ULK4: variants seen among roughly 807,000 people sequenced by gnomAD.
ULK4 encodes the protein inactive serine/threonine-protein kinase ULK4.
In ULK4, 133 loss-of-function variants were observed where a neutral mutation model predicts 160.6. That is an observed-to-expected ratio of 0.83 (90% CI 0.72 to 0.96). The LOEUF is 0.96. ULK4 is among the 40% of genes least tolerant of loss of function. ULK4 has a pLI of 0.00. For synonymous variants in ULK4, 534 were observed against 539.8 expected (o/e 0.99, Z 0.15); for missense variants, 1,580 against 1,499.5 (o/e 1.05, Z -0.89).
At chr3:41,908,570 C>T (rs528589293) in intron 11 of ULK4, among the ~76,000 whole-genome samples, 7 of 152,078 alleles carry the variant, frequency 4.6e-5, no homozygotes, top group East Asian at 3.9e-4. Context: ...CTTAGCCTCC[C>T]GAGTAGCTGG....
chr3:41,370,243 C>T lies in ULK4; in HGVS notation c.3678+27836G>A, dbSNP rs1209804880. On this transcript the variant is annotated intron_variant, in intron 35 of 36. Transcript: ENST00000301831. ...ATCAAAACTTTTGTGGAACTTAAAA[C>T]CAAATATTTTGGAGATGCAATTAAT... Among the ~76,000 whole-genome samples the T allele has an allele frequency of 4.6e-5, 7 of 151,042 alleles. No individual in the cohort carries two copies. The East Asian group carries it at 9.7e-4, about 21-fold the overall frequency.
At chr3:41,438,469 TATA>T (rs369072845) in intron 34 of ULK4, among the ~76,000 whole-genome samples, 71 of 152,188 alleles carry the variant, frequency 4.7e-4, no homozygotes, top group African/African-American at 1.7e-3. Context: ...CAGTAGAAAC[TATA>T]ATAATGGAAG....
At chr3:41,870,407 T>C (rs1301244424) in intron 17 of ULK4, among the ~76,000 whole-genome samples, 1 of 152,214 alleles carries the variant, frequency 6.6e-6, no homozygotes, top group East Asian at 1.9e-4. Context: ...TCATTCTTTT[T>C]GCTTTGTGTG....
In ULK4 at chr3:41,473,661, C is replaced by CAAA. The variant is rs1294599838; in HGVS notation, c.3227-10411_3227-10409dup. Among the ~76,000 whole-genome samples the CAAA allele has an allele frequency of 6.6e-3, 155 of 23,388 alleles. 2 individuals carry two copies. The highest frequency in any genetic ancestry group is 9.0e-3 in the Non-Finnish European group (112 of 12,498). The allele number at this position is 23,388 out of a possible 152,430, so 15.3% of individuals were successfully genotyped here. On this transcript the variant is annotated intron_variant, in intron 32 of 36. Coordinates refer to ENST00000301831, the MANE Select transcript of ULK4 (RefSeq NM_017886.4). ...TGGGCAACAGAATGAGATTCTGTCT[C>CAAA]AAAGAAAAAAAAAAAAAAAAAAAGA...
chr3:41,608,997 C>T lies in ULK4; in HGVS notation c.3120+6672G>A, dbSNP rs770983585. 7.5e-4 allele frequency among the ~76,000 whole-genome samples: 114 copies of T among 152,150 alleles called. 1 individual carries two copies. The highest frequency in any genetic ancestry group is 2.4e-4 in the Non-Finnish European group (16 of 68,034). On this transcript the variant is annotated intron_variant, in intron 31 of 36. Transcript: ENST00000301831. Reference sequence around the variant, plus strand: ...AAGGAAGAATGTGTATGTACTATTTCCTCAAAGTGAGCAGAACATAGAGCA... The same window carrying T: ...AAGGAAGAATGTGTATGTACTATTTTCTCAAAGTGAGCAGAACATAGAGCA...
At chr3:41,887,190 G>C (rs1487396788) in intron 16 of ULK4, among the ~76,000 whole-genome samples, 5 of 152,104 alleles carry the variant, frequency 3.3e-5, no homozygotes, top group Non-Finnish European at 5.9e-5. Flanking sequence ...CAGTACCCTG[G>C]GATAATCACT....
intron 32 of ULK4, among the ~76,000 whole-genome samples, chr3:41,497,146 A>G (rs2085022339): frequency 6.6e-6 from 1 of 152,176 alleles, no homozygotes; most frequent in Non-Finnish European, 1.5e-5. Flanking sequence ...GGTTATAATG[A>G]ATTAACAGAT....
intron 21 of ULK4, among the ~76,000 whole-genome samples, chr3:41,769,260 C>G (rs978919540): frequency 1.3e-5 from 2 of 152,102 alleles, no homozygotes; most frequent in African/African-American, 4.8e-5. Flanking sequence ...CTTTGACTCC[C>G]TACAACTAGT....
intron 19 of ULK4, among the ~76,000 whole-genome samples, chr3:41,814,501 T>G (rs1005679385): frequency 2.0e-5 from 3 of 152,174 alleles, no homozygotes; most frequent in African/African-American, 7.2e-5. Flanking sequence ...TTTCTACACA[T>G]TAGGTCAAGC....
At chr3:41,835,379 C>T (rs2041723122) in intron 18 of ULK4, among the ~76,000 whole-genome samples, 1 of 152,136 alleles carries the variant, frequency 6.6e-6, no homozygotes, top group African/African-American at 2.4e-5. Flanking sequence ...TAAATTTTGG[C>T]TTGTTGAATT....
intron 35 of ULK4, among the ~76,000 whole-genome samples, chr3:41,389,271 G>A (rs1401175399): frequency 6.6e-6 from 1 of 152,090 alleles, no homozygotes; most frequent in Non-Finnish European, 1.5e-5. Flanking sequence ...GAGATTTTGG[G>A]CTGAGACGAT....
At chr3:41,438,743 C>T (rs554477740) in intron 34 of ULK4, among the ~76,000 whole-genome samples, 143 of 152,122 alleles carry the variant, frequency 9.4e-4, no homozygotes, top group African/African-American at 3.3e-3. Flanking sequence ...GGGAGGATCA[C>T]TTGAGCTCAG....
intron 17 of ULK4, among the ~76,000 whole-genome samples, chr3:41,839,982 A>G (rs1225154650): frequency 6.6e-6 from 1 of 152,270 alleles, no homozygotes; most frequent in Non-Finnish European, 1.5e-5. Flanking sequence ...GACTCAACGT[A>G]GTGGAAAATG....
At chr3:41,404,839 C>A (rs147502025) in intron 34 of ULK4, among the ~76,000 whole-genome samples, 105 of 152,316 alleles carry the variant, frequency 6.9e-4, no homozygotes, top group African/African-American at 2.5e-3. Context: ...ATGCCAGCTA[C>A]CTGATTCAGA....
At chr3:41,376,788 G>A (rs565401763) in intron 35 of ULK4, among the ~76,000 whole-genome samples, 1 of 150,216 alleles carries the variant, frequency 6.7e-6, no homozygotes, top group South Asian at 2.2e-4. Context: ...TCGTAAAAAT[G>A]GCCATAATAC....
intron 32 of ULK4, among the ~76,000 whole-genome samples, chr3:41,556,099 G>A (rs1386203319): frequency 6.6e-6 from 1 of 152,086 alleles, no homozygotes; most frequent in Non-Finnish European, 1.5e-5. Context: ...CCTGGCTGAT[G>A]ACATAATCTG....
intron 21 of ULK4, among the ~76,000 whole-genome samples, chr3:41,767,876 G>A (rs1393709705): frequency 6.6e-6 from 1 of 152,128 alleles, no homozygotes; most frequent in African/African-American, 2.4e-5. Context: ...GAACAAATGA[G>A]CTTATGTACA....
chr3:41,644,202 T>G (rs2034372430), intron 30 of ULK4, among the ~76,000 whole-genome samples: 1 of 152,106 alleles, frequency 6.6e-6, no homozygotes, highest in South Asian at 2.1e-4. Context: ...CCTGCCTAAT[T>G]GTCCTGGCCA....
At chr3:41,502,644 C>T (rs2085250030) in intron 32 of ULK4, among the ~76,000 whole-genome samples, 1 of 152,166 alleles carries the variant, frequency 6.6e-6, no homozygotes, top group African/African-American at 2.4e-5. Flanking sequence ...CATGTGACAA[C>T]ATGAATGAAT....
Sources: gnomAD v4.1 joint callset for allele counts (sites outside exome capture counted in the v4.1 genomes callset) on GRCh38, gnomAD v4.1.1 for gene constraint, MANE v1.5 for transcripts, NCBI Gene and HGNC (gene_info 2026-07-23, HGNC 2026-07-21) for gene names.